Variants in DBF4B observed in about 807,000 individuals in gnomAD.
The protein encoded by DBF4B is protein DBF4 homolog B.
Under a neutral mutation model 53.4 loss-of-function variants are expected in DBF4B, and 49 were observed. The observed-to-expected ratio is 0.92, with a 90% confidence interval of 0.73 to 1.16. The LOEUF is 1.16. DBF4B is among the 50% of genes most tolerant of loss of function. The pLI is 0.00. For missense variants in DBF4B, 692 were observed against 775.0 expected (o/e 0.89, Z 1.27); for synonymous variants, 257 against 288.7 (o/e 0.89, Z 1.11).
intron 7 of DBF4B, 116 bp downstream of exon 7, chr17:44,734,279 G>T: frequency 7.8e-7 from 1 of 1,283,404 alleles, no homozygotes; most frequent in Non-Finnish European, 1.1e-6. Context: ...CTGAAAGATG[G>T]AAGAGGAATG....
chr17:44,742,959 G>A (rs1288569861), intron 10 of DBF4B, among the ~76,000 whole-genome samples: 1 of 152,206 alleles, frequency 6.6e-6, no homozygotes, highest in African/African-American at 2.4e-5. Context: ...TGGGGCCAAG[G>A]AGGCTCTGTG....
chr17:44,712,323 T>TTTG (rs1415667575), intron 2 of DBF4B, among the ~76,000 whole-genome samples: 1 of 137,218 alleles, frequency 7.3e-6, no homozygotes, highest in Admixed American at 7.3e-5. Context: ...TTTTTTTTTT[T>TTTG]TGAGACGGTC....
At chr17:44,748,663 C>T (rs2049176601) in intron 13 of DBF4B, 198 bp downstream of exon 13, 1 of 1,472,096 alleles carries the variant, frequency 6.8e-7, no homozygotes, top group Non-Finnish European at 9.0e-7. Flanking sequence ...TTTTATGGAA[C>T]TCTCCTCTGG....
chr17:44,730,248 G>A, intron 4 of DBF4B, 152 bp downstream of exon 4: 2 of 912,650 alleles, frequency 2.2e-6, no homozygotes, highest in Non-Finnish European at 3.2e-6. Context: ...CATAGCTCTG[G>A]ATCTAAACAC....
intron 7 of DBF4B, among the ~76,000 whole-genome samples, chr17:44,736,192 C>G (rs1340091537): frequency 2.0e-5 from 3 of 151,476 alleles, no homozygotes; most frequent in African/African-American, 7.3e-5. Context: ...CTATGCTGCC[C>G]AGGCTGGTCT....
rs1257812225 is a variant in DBF4B at position 44,730,967 on chromosome 17, G to T, written c.420G>T (p.Val140=). 1.9e-6 allele frequency: 3 copies of T among 1,613,794 alleles called. No individual in the cohort carries two copies. Among genetic ancestry groups the T allele is most frequent in the Non-Finnish European group, 2.5e-6 (3 of 1,179,856 alleles). ...PRPSRKPVDS[V]PLSRGKELLQ... ...CACTGCTCTTCTGTCCCTGTCAGGTGCCTCTAAGCAGAGGGAAGGAGCTGC... is the reference window on the plus strand; with the variant it reads ...CACTGCTCTTCTGTCCCTGTCAGGTTCCTCTAAGCAGAGGGAAGGAGCTGC... The change falls in exon 5 of 14, where the codon GTG becomes GTT. Residue 140 remains valine (V), a splice_region_variant and synonymous_variant. Transcript: ENST00000315005.
At chr17:44,724,626 G>A (rs1974134971) in intron 3 of DBF4B, among the ~76,000 whole-genome samples, 1 of 152,106 alleles carries the variant, frequency 6.6e-6, no homozygotes, top group Admixed American at 6.5e-5. Context: ...TGATCCTCCC[G>A]CCTTGGCCTC....
chr17:44,752,073 GA>G lies in DBF4B; in HGVS notation c.*821del. On this transcript the variant is annotated 3_prime_UTR_variant, in exon 14 of 14. Coordinates refer to ENST00000315005, the MANE Select transcript of DBF4B (RefSeq NM_145663.3). ...TCGCTGAGCCTTTCACTTCTCGGCAGATGTGACCGATTGGTAGCTCCACCCC... is the reference window on the plus strand; with the variant it reads ...TCGCTGAGCCTTTCACTTCTCGGCAGTGTGACCGATTGGTAGCTCCACCCC... 1 of 1,325,504 alleles carries G rather than the reference GA, an allele frequency of 7.5e-7. No homozygotes were observed. Among genetic ancestry groups the G allele is most frequent in the South Asian group, 1.3e-5 (1 of 79,510 alleles). 82.1% of individuals were successfully genotyped at this position (1,325,504 alleles called of 1,614,324 possible).
rs1291044986 is a variant in DBF4B at position 44,751,727 on chromosome 17, C to T, written c.*474C>T. 1 of 1,448,556 alleles carries T rather than the reference C, an allele frequency of 6.9e-7. No homozygotes were observed. Among genetic ancestry groups the T allele is most frequent in the Admixed American group, 2.5e-5 (1 of 40,664 alleles). 89.7% of individuals were successfully genotyped at this position (1,448,556 alleles called of 1,614,324 possible). On this transcript the variant is annotated 3_prime_UTR_variant, in exon 14 of 14. Transcript: ENST00000315005. ...CCTCTTCACCTCCTTCCCTTCCACA[C>T]TTCCTTCCTGGGTAGCTCTGCCTGA...
At chr17:44,742,604 T>C (rs1262136818) in intron 10 of DBF4B, among the ~76,000 whole-genome samples, 1 of 151,910 alleles carries the variant, frequency 6.6e-6, no homozygotes, top group Non-Finnish European at 1.5e-5. Context: ...CCACCCCATA[T>C]CTATAGAATC....
intron 11 of DBF4B, 72 bp downstream of exon 11, chr17:44,747,263 T>G (rs971695116): frequency 2.5e-6 from 4 of 1,599,518 alleles, no homozygotes; most frequent in Non-Finnish European, 2.6e-6. Context: ...GGATGAGTCC[T>G]TCCTATGCGA....
Position 44,751,475 on chromosome 17 carries a change from G to A in DBF4B, c.*222G>A, listed in dbSNP as rs2049276647. 4 of 1,408,048 alleles carry A rather than the reference G, an allele frequency of 2.8e-6. No individual in the cohort carries two copies. Among genetic ancestry groups the A allele is most frequent in the South Asian group, 1.6e-5 (1 of 60,846 alleles). The allele number at this position is 1,408,048 out of a possible 1,614,324, so 87.2% of individuals were successfully genotyped here. ...CATGTTGCCGTTTCTTTCTGAAGAGGTGTCCTCCCTCCACAAGTCACACTG... is the reference window on the plus strand; with the variant it reads ...CATGTTGCCGTTTCTTTCTGAAGAGATGTCCTCCCTCCACAAGTCACACTG... On this transcript the variant is annotated 3_prime_UTR_variant, in exon 14 of 14. Transcript: ENST00000315005.
intron 7 of DBF4B, among the ~76,000 whole-genome samples, chr17:44,735,074 T>C (rs1975236777): frequency 6.6e-6 from 1 of 152,084 alleles, no homozygotes; most frequent in South Asian, 2.1e-4. Flanking sequence ...CACTCCAGCC[T>C]AGGCGACAGC....
intron 9 of DBF4B, among the ~76,000 whole-genome samples, chr17:44,739,866 A>G (rs924670561): frequency 3.3e-5 from 5 of 151,948 alleles, no homozygotes; most frequent in African/African-American, 1.2e-4. Context: ...TGCCTCCCAG[A>G]TTCAAGCGAT....
intron 1 of DBF4B, 39 bp downstream of exon 1, chr17:44,708,878 G>C (rs2144724815): frequency 6.5e-7 from 1 of 1,549,832 alleles, no homozygotes; most frequent in South Asian, 1.2e-5. Flanking sequence ...AGGCGGAAGG[G>C]GTCGTTAATA....
At chr17:44,725,684 C>CTTTTTTTTTTTTTTTTCTT (rs1974258317) in intron 3 of DBF4B, among the ~76,000 whole-genome samples, 1 of 87,662 alleles carries the variant, frequency 1.1e-5, no homozygotes, top group Non-Finnish European at 2.3e-5. Flanking sequence ...TTTTGTGCTT[C>CTTTTTTTTTTTTTTTTCTT]TTTTTTTTTT....
intron 7 of DBF4B, 86 bp downstream of exon 7, chr17:44,734,249 A>AC: frequency 6.5e-7 from 1 of 1,531,968 alleles, no homozygotes. Context: ...GCCCACCCAA[A>AC]CCATCTCTTC....
At chr17:44,731,064 G>T in intron 5 of DBF4B, 49 bp downstream of exon 5, 1 of 1,608,070 alleles carries the variant, frequency 6.2e-7, no homozygotes, top group South Asian at 1.1e-5. Context: ...AGCATAGGGA[G>T]GGATTTCACT....
At chr17:44,728,003 C>T (rs1354142347) in intron 3 of DBF4B, among the ~76,000 whole-genome samples, 1 of 151,810 alleles carries the variant, frequency 6.6e-6, no homozygotes, top group Admixed American at 6.6e-5. Context: ...CAGGCATGAG[C>T]CACCACACCT....
Sources: gnomAD v4.1 joint callset for allele counts (sites outside exome capture counted in the v4.1 genomes callset) on GRCh38, gnomAD v4.1.1 for gene constraint, MANE v1.5 for transcripts, NCBI Gene and HGNC (gene_info 2026-07-23, HGNC 2026-07-21) for gene names.